GPC5: variants seen among roughly 807,000 people sequenced by gnomAD.
GPC5 encodes glypican-5.
In GPC5, 47 loss-of-function variants were observed where a neutral mutation model predicts 53.9. The observed-to-expected ratio is 0.87, with a 90% CI of 0.69 to 1.11. The LOEUF (loss-of-function observed/expected upper bound fraction) is 1.11. Among genes scored for constraint, GPC5 ranks in the 50% most tolerant of loss-of-function variants. The pLI, the probability that GPC5 is intolerant of heterozygous loss-of-function variation, is 0.00. For missense variants in GPC5, 748 were observed against 713.1 expected (o/e 1.05, Z -0.56); for synonymous variants, 286 against 263.3 (o/e 1.09, Z -0.84).
intron 7 of GPC5, among the ~76,000 whole-genome samples, chr13:92,364,685 G>A (rs79040784): frequency 0.1 from 15,133 of 151,742 alleles, 972 homozygotes; most frequent in Middle Eastern, 0.15. Context: ...AGCCTAGATC[G>A]CGCCACTGCA....
At chr13:92,559,788 A>G (rs1405122683) in intron 7 of GPC5, among the ~76,000 whole-genome samples, 1 of 151,372 alleles carries the variant, frequency 6.6e-6, no homozygotes, top group East Asian at 2.0e-4. Flanking sequence ...ACATGGTCCC[A>G]TTTGGTATCT....
chr13:91,776,227 C>G (rs1389464646), intron 5 of GPC5, among the ~76,000 whole-genome samples: 1 of 152,096 alleles, frequency 6.6e-6, no homozygotes, highest in African/African-American at 2.4e-5. Flanking sequence ...TTGGTGCCTC[C>G]CTCAGTAGAA....
chr13:92,028,485 C>A (rs1469494376), intron 6 of GPC5, among the ~76,000 whole-genome samples: 1 of 151,986 alleles, frequency 6.6e-6, no homozygotes, highest in Non-Finnish European at 1.5e-5. Context: ...TGACCGTCTC[C>A]CAAATTAATT....
chr13:91,998,212 C>A (rs191543534), intron 6 of GPC5, among the ~76,000 whole-genome samples: 3 of 152,224 alleles, frequency 2.0e-5, no homozygotes, highest in South Asian at 2.1e-4. Flanking sequence ...ACTCAGCATT[C>A]CATTCCCCTC....
intron 6 of GPC5, among the ~76,000 whole-genome samples, chr13:91,981,911 A>T (rs1198336821): frequency 6.6e-6 from 1 of 152,248 alleles, no homozygotes; most frequent in Non-Finnish European, 1.5e-5. Context: ...TTAGCTCAGT[A>T]AACAGGGAAT....
At chr13:92,602,648 C>T (rs139336968) in intron 7 of GPC5, among the ~76,000 whole-genome samples, 45 of 152,130 alleles carry the variant, frequency 3.0e-4, no homozygotes, top group African/African-American at 9.6e-4. Flanking sequence ...AAATGAAAGA[C>T]GGTGTGGGAT....
chr13:92,329,962 T>C lies in GPC5; in HGVS notation c.1561+184973T>C, dbSNP rs180803604. Among the ~76,000 whole-genome samples, 5 of 152,246 alleles carry C rather than the reference T, an allele frequency of 3.3e-5. No individual in the cohort carries two copies. The East Asian group carries it at 9.7e-4, about 29-fold the overall frequency. On this transcript the variant is annotated intron_variant, in intron 7 of 7. Transcript: ENST00000377067. ...TTGATGTTTTTCACTTTTCCTTCTA[T>C]GAAAGAAAACACATTATGACTTTTA...
intron 7 of GPC5, among the ~76,000 whole-genome samples, chr13:92,790,250 A>T (rs1876413469): frequency 6.6e-6 from 1 of 152,130 alleles, no homozygotes; most frequent in African/African-American, 2.4e-5. Context: ...TCAAGTTGAC[A>T]CTCAGTATTA....
At chr13:91,666,419 G>C (rs1055883353) in intron 2 of GPC5, among the ~76,000 whole-genome samples, 1 of 152,084 alleles carries the variant, frequency 6.6e-6, no homozygotes, top group Non-Finnish European at 1.5e-5. Context: ...ATACCATGTA[G>C]CTTGTGTCTC....
At chr13:92,850,457 G>A (rs755902327) in intron 7 of GPC5, among the ~76,000 whole-genome samples, 4 of 152,226 alleles carry the variant, frequency 2.6e-5, no homozygotes, top group Admixed American at 6.5e-5. Flanking sequence ...AAAATTAGCC[G>A]AGTGTGGTGG....
intron 7 of GPC5, among the ~76,000 whole-genome samples, chr13:92,157,687 A>G (rs1191256897): frequency 6.6e-6 from 1 of 152,204 alleles, no homozygotes; most frequent in Non-Finnish European, 1.5e-5. Context: ...AGGAAATGCA[A>G]AAACTGATTC....
At chr13:92,397,401 T>A (rs1875334400) in intron 7 of GPC5, among the ~76,000 whole-genome samples, 1 of 152,184 alleles carries the variant, frequency 6.6e-6, no homozygotes, top group Non-Finnish European at 1.5e-5. Context: ...AAGATACGCC[T>A]TTCATCTTCT....
chr13:92,845,474 C>T (rs1878582502), intron 7 of GPC5, among the ~76,000 whole-genome samples: 1 of 152,166 alleles, frequency 6.6e-6, no homozygotes, highest in Admixed American at 6.5e-5. Flanking sequence ...AGTTTGAAGA[C>T]ACACAGAGGT....
intron 7 of GPC5, among the ~76,000 whole-genome samples, chr13:92,816,430 C>T (rs978897355): frequency 6.6e-6 from 1 of 151,934 alleles, no homozygotes; most frequent in African/African-American, 2.4e-5. Context: ...GGAAAACTAG[C>T]ACTAAGGGGT....
At chr13:92,051,301 A>C (rs2041026746) in intron 6 of GPC5, among the ~76,000 whole-genome samples, 1 of 150,006 alleles carries the variant, frequency 6.7e-6, no homozygotes, top group East Asian at 2.0e-4. Flanking sequence ...TCCCGGGTTC[A>C]AGTGATTCTC....
At chr13:91,989,052 C>T (rs2040434106) in intron 6 of GPC5, among the ~76,000 whole-genome samples, 1 of 152,092 alleles carries the variant, frequency 6.6e-6, no homozygotes, top group Non-Finnish European at 1.5e-5. Context: ...AGCAAAAATG[C>T]AGTCAAGTCT....
chr13:92,488,276 T>A (rs1000918578), intron 7 of GPC5, among the ~76,000 whole-genome samples: 1 of 152,168 alleles, frequency 6.6e-6, no homozygotes, highest in African/African-American at 2.4e-5. Context: ...TCAAACCAAT[T>A]TAAATCAAAG....
rs147221948 is a variant in GPC5 at position 91,414,388 on chromosome 13, G to A, written c.163+15179G>A. Among the ~76,000 whole-genome samples, 28 of 152,328 alleles carry A rather than the reference G, an allele frequency of 1.8e-4. 1 individual carries two copies. The East Asian group carries it at 5.2e-3, about 28-fold the overall frequency. On this transcript the variant is annotated intron_variant, in intron 1 of 7. Coordinates refer to ENST00000377067, the MANE Select transcript of GPC5 (RefSeq NM_004466.6). Reference sequence around the variant, plus strand: ...TGAGGCCTCTCCAGCTATGCAGAACGGAGTCAGTTAAACCTCTTTCTGTTA... The same window carrying A: ...TGAGGCCTCTCCAGCTATGCAGAACAGAGTCAGTTAAACCTCTTTCTGTTA...
chr13:92,846,296 A>G (rs140465758), intron 7 of GPC5, among the ~76,000 whole-genome samples: 170 of 152,294 alleles, frequency 1.1e-3, no homozygotes, highest in African/African-American at 3.8e-3. Flanking sequence ...CCCTCCCCCA[A>G]CACATGGGAA....
Sources: gnomAD v4.1 joint callset for allele counts (sites outside exome capture counted in the v4.1 genomes callset) on GRCh38, gnomAD v4.1.1 for gene constraint, MANE v1.5 for transcripts, NCBI Gene and HGNC (gene_info 2026-07-23, HGNC 2026-07-21) for gene names.